The following CNTN5 variants were observed in gnomAD, a reference collection of about 807,000 sequenced individuals.
CNTN5 encodes the protein contactin 5.
Under a neutral mutation model 129.1 loss-of-function variants are expected in CNTN5, and 77 were observed. The ratio of observed to expected loss-of-function variants is 0.60; its 90% CI spans 0.50 to 0.72. CNTN5 has a LOEUF of 0.72. Ranked by LOEUF, CNTN5 falls within the 30% of genes least tolerant of loss-of-function variation. The pLI is 0.00. For missense variants in CNTN5, 1,478 were observed against 1,328.8 expected, an observed-to-expected ratio of 1.11 and a Z score of -1.75; for synonymous variants, 509 against 465.6, an observed-to-expected ratio of 1.09 and a Z score of -1.20.
chr11:100,320,120 G>T (rs182160744), intron 21 of CNTN5, among the ~76,000 whole-genome samples: 9 of 152,154 alleles, frequency 5.9e-5, no homozygotes, highest in African/African-American at 2.2e-4. Context: ...TTTAATTTTG[G>T]GGGGAGCCTC....
At position 99,975,766 on chromosome 11, in the gene CNTN5, G is replaced by C. The variant is rs143131097; in HGVS notation, c.877+18757G>C. ...TCAACATATGGGGATTACAATTTGA[G>C]ATGAGATTTGGATGGGGACACAGAG... On this transcript the variant is annotated intron_variant, in intron 8 of 24. Coordinates refer to ENST00000524871, the MANE Select transcript of CNTN5 (RefSeq NM_014361.4). Among the ~76,000 whole-genome samples, 6 of 152,216 alleles carry C rather than the reference G, an allele frequency of 3.9e-5. No homozygotes were observed. The East Asian group carries it at 1.2e-3, about 29-fold the overall frequency.
chr11:100,308,768 A>G (rs1268430574), intron 21 of CNTN5: 1 of 1,014,362 alleles, frequency 9.9e-7, no homozygotes, highest in Non-Finnish European at 1.2e-6. Flanking sequence ...TTTACTGGTC[A>G]TTTTAAAAGT....
At chr11:99,824,714 G>T (rs1036378379) in intron 4 of CNTN5, among the ~76,000 whole-genome samples, 27 of 151,414 alleles carry the variant, frequency 1.8e-4, no homozygotes, top group Non-Finnish European at 3.2e-4. Flanking sequence ...TCATATTTAG[G>T]TGTTTAAACC....
chr11:100,192,261 TTCTTAA>T (rs1298165288), intron 14 of CNTN5, among the ~76,000 whole-genome samples: 2 of 152,000 alleles, frequency 1.3e-5, no homozygotes, highest in Non-Finnish European at 2.9e-5. Flanking sequence ...AAATGTTATT[TTCTTAA>T]TCATGAGTTT....
chr11:99,896,302 G>A (rs1404974505), intron 6 of CNTN5, among the ~76,000 whole-genome samples: 3 of 152,144 alleles, frequency 2.0e-5, no homozygotes, highest in Non-Finnish European at 4.4e-5. Context: ...GCTGATCACT[G>A]CGGTCATGGC....
chr11:99,955,254 T>C lies in CNTN5; in HGVS notation c.674-1552T>C, dbSNP rs559824869. Reference sequence around the variant, plus strand: ...AATTAAAGGGATTCACATTGTTAAATGTGAGAAAGCCTTGAATTTAGAGTC... The same window carrying C: ...AATTAAAGGGATTCACATTGTTAAACGTGAGAAAGCCTTGAATTTAGAGTC... On this transcript the variant is annotated intron_variant, in intron 7 of 24. Transcript: ENST00000524871. 2.0e-5 allele frequency among the ~76,000 whole-genome samples: 3 copies of C among 151,802 alleles called. No homozygotes were observed. The South Asian group carries it at 6.2e-4, about 31-fold the overall frequency.
intron 3 of CNTN5, among the ~76,000 whole-genome samples, chr11:99,674,777 C>T (rs1160433348): frequency 6.6e-6 from 1 of 152,118 alleles, no homozygotes; most frequent in African/African-American, 2.4e-5. Context: ...GAACACTTGC[C>T]TAATAACACC....
chr11:99,134,712 T>A (rs1351833696), intron 1 of CNTN5, among the ~76,000 whole-genome samples: 2 of 151,484 alleles, frequency 1.3e-5, no homozygotes, highest in African/African-American at 4.8e-5. Flanking sequence ...CAGTAAAATT[T>A]TATTAAAATG....
At chr11:100,070,268 ATTT>A (rs1225667706) in intron 10 of CNTN5, 153 bp from the exon 11 acceptor site, 15 of 599,274 alleles carry the variant, frequency 2.5e-5, no homozygotes, top group East Asian at 1.5e-4. Flanking sequence ...AGGAAATAGA[ATTT>A]TGTGTGTAAC....
At chr11:99,560,598 T>C (rs568036677) in intron 3 of CNTN5, among the ~76,000 whole-genome samples, 60 of 152,194 alleles carry the variant, frequency 3.9e-4, no homozygotes, top group African/African-American at 1.4e-3. Context: ...GCCTGTATTA[T>C]TAATAGGAAG....
Position 99,258,929 on chromosome 11 carries a change from A to G in CNTN5, c.-209-66417A>G, listed in dbSNP as rs367693242. On this transcript the variant is annotated intron_variant, in intron 1 of 24. Transcript: ENST00000524871. ...ATTACTCATATCCAAAAGGATACTGATTTGTGTTTTTTTATTAAAGTTTCT... is the reference window on the plus strand; with the variant it reads ...ATTACTCATATCCAAAAGGATACTGGTTTGTGTTTTTTTATTAAAGTTTCT... Among the ~76,000 whole-genome samples, 5 of 152,018 alleles carry G rather than the reference A, an allele frequency of 3.3e-5. No individual in the cohort carries two copies. In the East Asian group the frequency reaches 5.8e-4, roughly 18 times the overall value.
At chr11:99,490,731 A>G (rs186156775) in intron 2 of CNTN5, among the ~76,000 whole-genome samples, 6 of 152,290 alleles carry the variant, frequency 3.9e-5, no homozygotes, top group African/African-American at 1.2e-4. Context: ...TTCTCAGTTT[A>G]TATGGGATGG....
chr11:99,096,841 TTTA>T lies in CNTN5; in HGVS notation c.-210+75576_-210+75578del, dbSNP rs201591731. ...GCATTTGGATGCATTAAGACTTAAG[TTTA>T]TTATATGACAGGCTTTAGTTTCCTT... is the stretch of plus-strand genomic sequence containing the variant. On this transcript the variant is annotated intron_variant, in intron 1 of 24. Coordinates refer to ENST00000524871, the MANE Select transcript of CNTN5 (RefSeq NM_014361.4). Among the ~76,000 whole-genome samples the T allele has an allele frequency of 4.6e-3, 701 of 151,932 alleles. 7 individuals are homozygous for T. The highest frequency in any genetic ancestry group is 0.016 in the African/African-American group (675 of 41,514).
intron 2 of CNTN5, among the ~76,000 whole-genome samples, chr11:99,369,196 CATATA>C (rs1470036060): frequency 1.7e-5 from 2 of 118,408 alleles, no homozygotes; most frequent in Non-Finnish European, 3.4e-5. Context: ...TATAATATAA[CATATA>C]ATATATATTA....
intron 8 of CNTN5, among the ~76,000 whole-genome samples, chr11:99,971,129 C>G (rs979777919): frequency 1.3e-5 from 2 of 152,200 alleles, no homozygotes; most frequent in Non-Finnish European, 2.9e-5. Flanking sequence ...TAATACCACC[C>G]ACACAGCCTT....
chr11:99,235,274 GA>G (rs1440226434), intron 1 of CNTN5, among the ~76,000 whole-genome samples: 1 of 151,820 alleles, frequency 6.6e-6, no homozygotes, highest in South Asian at 2.1e-4. Context: ...ATAAAAGCAA[GA>G]AAAAATAAGG....
At chr11:99,098,967 T>C (rs943357403) in intron 1 of CNTN5, among the ~76,000 whole-genome samples, 3 of 152,104 alleles carry the variant, frequency 2.0e-5, no homozygotes, top group Non-Finnish European at 4.4e-5. Flanking sequence ...TTGAAATCTA[T>C]TTAGAAACTG....
rs1319426628 is a variant in CNTN5 at position 99,598,191 on chromosome 11, AC to A, written c.55+41927del. Among the ~76,000 whole-genome samples the A allele has an allele frequency of 6.6e-5, 10 of 150,600 alleles. 1 individual carries two copies. The highest frequency in any genetic ancestry group is 2.4e-4 in the African/African-American group (10 of 40,868). ...TGCTCCCTAAAACTGTATCCATGCTACCCCCATTCCTCAGGCGGGAACCTTT... is the reference window on the plus strand; with the variant it reads ...TGCTCCCTAAAACTGTATCCATGCTACCCCATTCCTCAGGCGGGAACCTTT... On this transcript the variant is annotated intron_variant, in intron 3 of 24. Coordinates refer to ENST00000524871, the MANE Select transcript of CNTN5 (RefSeq NM_014361.4).
intron 3 of CNTN5, among the ~76,000 whole-genome samples, chr11:99,673,290 G>T (rs1340658440): frequency 1.3e-5 from 2 of 152,084 alleles, no homozygotes; most frequent in African/African-American, 4.8e-5. Flanking sequence ...CATTTTGATA[G>T]GAAGCACAGA....
Sources: allele counts gnomAD v4.1 joint callset (sites outside exome capture counted in the v4.1 genomes callset), GRCh38; gene constraint gnomAD v4.1.1; transcripts MANE v1.5; gene names NCBI Gene and HGNC (gene_info 2026-07-23, HGNC 2026-07-21).